DHCR7: variants seen among roughly 807,000 people sequenced by gnomAD.
DHCR7 encodes the protein 7-dehydrocholesterol reductase.
Under a neutral mutation model 43.3 loss-of-function variants are expected in DHCR7, and 40 were observed. The observed-to-expected ratio is 0.92, with a 90% CI of 0.72 to 1.20. The LOEUF is 1.20. Ranked by LOEUF, DHCR7 falls within the 50% of genes most tolerant of loss-of-function variation. The pLI is 0.00. For missense variants in DHCR7, 608 were observed against 644.6 expected (o/e 0.94, Z 0.62); for synonymous variants, 298 against 271.4 (o/e 1.10, Z -0.96).
intron 7 of DHCR7, 148 bp downstream of exon 7, chr11:71,438,731 G>C: frequency 4.8e-6 from 4 of 837,254 alleles, no homozygotes; most frequent in South Asian, 3.0e-5. Flanking sequence ...CCAAGTGCTC[G>C]CCGGCTGCTT....
Position 71,435,792 on chromosome 11 carries a change from G to A in DHCR7, c.1011C>T (p.Ala337=), listed in dbSNP as rs369382960. 41 of 1,608,122 alleles carry A rather than the reference G, an allele frequency of 2.5e-5. No individual in the cohort carries two copies. Among genetic ancestry groups the A allele is most frequent in the African/African-American group, 1.3e-4 (10 of 74,984 alleles). The part of the protein sequence containing the change: ...YHPVQLSTPH[A]VGVLLLGLVG... ...CCAGGCCCAGCAGCAGGACGCCCACGGCGTGCGGGGTGGACAGCTGCACGG... is the reference window on the plus strand; with the variant it reads ...CCAGGCCCAGCAGCAGGACGCCCACAGCGTGCGGGGTGGACAGCTGCACGG... Residue 337 remains alanine (A), a synonymous_variant, in exon 9 of 9, where the codon GCC becomes GCT. Transcript: ENST00000355527.
rs781043327 is a variant in DHCR7 at position 71,435,652 on chromosome 11, G to C, written c.1151C>G (p.Ser384Cys). Residue 384 changes from serine to cysteine, a missense_variant, in exon 9 of 9, where the codon TCC (serine) becomes TGC (cysteine). Physicochemically the swap from Ser to Cys is moderately radical, Grantham distance 112. Transcript: ENST00000355527. ...KPKVIECSYT[S>C]ADGQRHHSKL... ...GCTGTGGTGCCTCTGCCCATCGGCG[G>C]ATGTGTAGGAGCACTCGATGACCTT... The C allele has an allele frequency of 6.2e-7, 1 of 1,612,912 alleles. No individual in the cohort carries two copies. The highest frequency in any genetic ancestry group is 1.1e-5 in the South Asian group (1 of 91,086).
Position 71,437,542 on chromosome 11 carries a change from A to G in DHCR7, c.963+270T>C, listed in dbSNP as rs1949297490. ...AGGAATGAAGAGGACCCCTCCTGCCAGTGCCCGCACTGACCCACCTCCACC... is the reference window on the plus strand; with the variant it reads ...AGGAATGAAGAGGACCCCTCCTGCCGGTGCCCGCACTGACCCACCTCCACC... On this transcript the variant is annotated intron_variant, in intron 8 of 8. Transcript: ENST00000355527. Among the ~76,000 whole-genome samples, 4 of 152,130 alleles carry G rather than the reference A, an allele frequency of 2.6e-5. No individual in the cohort carries two copies. In the South Asian group the frequency reaches 8.3e-4, roughly 31 times the overall value.
chr11:71,437,975 C>T (rs772112435), intron 7 of DHCR7, 32 bp from the exon 8 acceptor site: 13 of 1,609,118 alleles, frequency 8.1e-6, no homozygotes, highest in Middle Eastern at 1.7e-4. Flanking sequence ...TGACCACCCC[C>T]GGCCCTCCTG....
chr11:71,448,239 C>T (rs1332560890), intron 1 of DHCR7, 51 bp downstream of exon 1: 3 of 155,194 alleles, frequency 1.9e-5, no homozygotes, highest in African/African-American at 7.2e-5. Flanking sequence ...AAGCGCCCCC[C>T]ACTGCGCACA....
At chr11:71,432,443 GTTTATA>G (rs887609415), downstream of DHCR7, among the ~76,000 whole-genome samples, 5 of 152,234 alleles carry the variant, frequency 3.3e-5, no homozygotes, top group African/African-American at 9.6e-5. Flanking sequence ...GACAATAATT[GTTTATA>G]TTTATGGGGT....
rs1355910350 is a variant in DHCR7 at position 71,442,947 on chromosome 11, C to T, written c.322-594G>A. Among the ~76,000 whole-genome samples, 6 of 152,328 alleles carry T rather than the reference C, an allele frequency of 3.9e-5. No homozygotes were observed. In the East Asian group the frequency reaches 7.7e-4, roughly 20 times the overall value. On this transcript the variant is annotated intron_variant, in intron 4 of 8. Transcript: ENST00000355527. ...CAGAAGAAAATGTTGTTCCAATCTCCGGTCACTCTGAATTCCCTGTCCCTG... is the reference window on the plus strand; with the variant it reads ...CAGAAGAAAATGTTGTTCCAATCTCTGGTCACTCTGAATTCCCTGTCCCTG...
Position 71,437,832 on chromosome 11 carries a change from G to T in DHCR7, c.943C>A (p.Pro315Thr). The change falls in exon 8 of 9, where the codon CCT (proline) becomes ACT (threonine). Residue 315 changes from proline to threonine, a missense_variant. Transcript: ENST00000355527. ...YLGWGDCVWLPYLYTLQGLYL... is the reference protein window; with the variant it reads ...YLGWGDCVWLTYLYTLQGLYL... ...CTCACCTGCAGCGTGTAAAGATAAG[G>T]CAGCCAGACACAGTCGCCCCAGCCC... 4 of 1,613,944 alleles carry T rather than the reference G, an allele frequency of 2.5e-6. No homozygotes were observed. The highest frequency in any genetic ancestry group is 1.3e-5 in the African/African-American group (1 of 75,046).
At chr11:71,440,943 G>A (rs887040103) in intron 6 of DHCR7, among the ~76,000 whole-genome samples, 58 of 152,184 alleles carry the variant, frequency 3.8e-4, no homozygotes, top group African/African-American at 1.4e-3. Flanking sequence ...CCCCAAGCCA[G>A]AAGTTTTTCC....
downstream of DHCR7, among the ~76,000 whole-genome samples, chr11:71,432,018 G>A (rs1211887882): frequency 6.6e-6 from 1 of 152,180 alleles, no homozygotes; most frequent in African/African-American, 2.4e-5. Context: ...CAGAGATGGG[G>A]TTTCGCCATG....
intron 2 of DHCR7, among the ~76,000 whole-genome samples, chr11:71,445,189 C>G (rs1949393252): frequency 6.6e-6 from 1 of 152,230 alleles, no homozygotes; most frequent in South Asian, 2.1e-4. Flanking sequence ...GCTGCTCTTG[C>G]TAGTCTCAGT....
intron 4 of DHCR7, 53 bp from the exon 5 acceptor site, chr11:71,442,406 G>C: frequency 7.9e-7 from 1 of 1,273,802 alleles, no homozygotes; most frequent in Non-Finnish European, 1.1e-6. Flanking sequence ...ACCTGCAAAG[G>C]GGGACGCATA....
At chr11:71,430,940 A>G (rs1949224714), downstream of DHCR7, among the ~76,000 whole-genome samples, 1 of 152,200 alleles carries the variant, frequency 6.6e-6, no homozygotes, top group African/African-American at 2.4e-5. Context: ...AGATCACCTG[A>G]GGTTAGGAGT....
chr11:71,446,583 A>C (rs1196032380), intron 2 of DHCR7, among the ~76,000 whole-genome samples: 1 of 152,266 alleles, frequency 6.6e-6, no homozygotes, highest in African/African-American at 2.4e-5. Context: ...GATGTGGTAG[A>C]GAGTATTTCT....
chr11:71,428,940 G>T (rs972888255), intron 2 of DHCR7: 10 of 441,082 alleles, frequency 2.3e-5, no homozygotes, highest in Admixed American at 1.2e-4. Context: ...TAATTCAAAT[G>T]CCTCCCGCCT....
At position 71,444,377 on chromosome 11, in the gene DHCR7, C is replaced by G. The variant is rs1273805132; in HGVS notation, c.99-162G>C. On this transcript the variant is annotated intron_variant, in intron 3 of 8. Transcript: ENST00000355527. ...CGGGCCCTCCTTGCGGCCAGGGAAG[C>G]CACTCAACATGCCTGCTCTACTGTA... 11 of 661,252 alleles carry G rather than the reference C, an allele frequency of 1.7e-5. No homozygotes were observed. The Admixed American group carries it at 2.5e-4, about 15-fold the overall frequency. The allele number at this position is 661,252 out of a possible 1,614,324, so 41.0% of individuals were successfully genotyped here.
downstream of DHCR7, among the ~76,000 whole-genome samples, chr11:71,429,912 G>A (rs754614844): frequency 2.6e-5 from 4 of 152,304 alleles, no homozygotes; most frequent in East Asian, 5.8e-4. Context: ...GCTGGTCCAC[G>A]TCTGTGGCTC....
chr11:71,429,412 G>A (rs1234820700), downstream of DHCR7, among the ~76,000 whole-genome samples: 1 of 152,172 alleles, frequency 6.6e-6, no homozygotes, highest in Non-Finnish European at 1.5e-5. Context: ...CAGACTGTGG[G>A]CGGGGGCAGG....
downstream of DHCR7, among the ~76,000 whole-genome samples, chr11:71,430,953 G>A (rs540281075): frequency 9.8e-5 from 15 of 152,328 alleles, no homozygotes; most frequent in South Asian, 1.9e-3. Context: ...TTAGGAGTTC[G>A]AGACCAGCCT....
Sources: allele counts gnomAD v4.1 joint callset (sites outside exome capture counted in the v4.1 genomes callset), GRCh38; gene constraint gnomAD v4.1.1; transcripts MANE v1.5; gene names NCBI Gene and HGNC (gene_info 2026-07-23, HGNC 2026-07-21).